Variants in PEX1 observed in about 807,000 individuals in gnomAD.
PEX1 encodes peroxisomal biogenesis factor 1, also known as peroxisomal ATPase PEX1.
A neutral mutation model predicts 152.5 loss-of-function variants in PEX1; 97 were observed. The ratio of observed to expected loss-of-function variants is 0.64; its 90% CI spans 0.54 to 0.75. The LOEUF (loss-of-function observed/expected upper bound fraction) is 0.75. Among genes scored for constraint, PEX1 ranks in the 30% least tolerant of loss-of-function variants. The probability of loss-of-function intolerance (pLI) is 0.00; values close to 1 mark genes in which losing one functional copy is unlikely to be tolerated. For missense variants in PEX1, 1,357 were observed against 1,516.3 expected (o/e 0.89, Z 1.74); for synonymous variants, 485 against 531.6 (o/e 0.91, Z 1.21).
chr7:92,527,949 A>C (rs1793368169), intron 1 of PEX1, among the ~76,000 whole-genome samples: 1 of 152,268 alleles, frequency 6.6e-6, no homozygotes, highest in Non-Finnish European at 1.5e-5. Context: ...GCAGCAGCGC[A>C]GGTTAACTGG....
chr7:92,489,585 C>G, intron 22 of PEX1, 129 bp downstream of exon 22: 1 of 1,017,642 alleles, frequency 9.8e-7, no homozygotes, highest in Non-Finnish European at 1.5e-6. Flanking sequence ...ATAACCATGA[C>G]TGAGTTAATG....
At chr7:92,504,618 C>T in intron 12 of PEX1, 114 bp downstream of exon 12, 1 of 1,110,602 alleles carries the variant, frequency 9.0e-7, no homozygotes, top group Non-Finnish European at 1.3e-6. Flanking sequence ...GCCTCAAACA[C>T]AACACTTAAC....
chr7:92,523,095 T>C (rs909432694), intron 1 of PEX1, among the ~76,000 whole-genome samples: 2 of 152,216 alleles, frequency 1.3e-5, no homozygotes, highest in African/African-American at 4.8e-5. Context: ...GGGTTTTCTA[T>C]GATTAAACAA....
intron 5 of PEX1, among the ~76,000 whole-genome samples, chr7:92,516,402 G>A (rs1389147378): frequency 6.6e-6 from 1 of 151,810 alleles, no homozygotes; most frequent in East Asian, 1.9e-4. Flanking sequence ...CTCCAGCTTG[G>A]GCAAGAAGAG....
At chr7:92,528,202 T>C in intron 1 of PEX1, 105 bp downstream of exon 1, 1 of 1,475,954 alleles carries the variant, frequency 6.8e-7, no homozygotes. Flanking sequence ...TCTGCGCGCT[T>C]CGGCGGCGCC....
chr7:92,516,069 A>AAG (rs1554374911), intron 5 of PEX1, among the ~76,000 whole-genome samples: 3 of 134,106 alleles, frequency 2.2e-5, no homozygotes, highest in Non-Finnish European at 3.3e-5. Context: ...AGAAAAGAAA[A>AAG]GAAAAGAAAA....
chr7:92,512,678 T>C (rs1427027469), intron 6 of PEX1, among the ~76,000 whole-genome samples: 4 of 151,984 alleles, frequency 2.6e-5, no homozygotes, highest in Non-Finnish European at 5.9e-5. Flanking sequence ...TTAGTAGAGA[T>C]GGGGTTTCAC....
chr7:92,506,184 A>G, intron 11 of PEX1, 64 bp downstream of exon 11: 1 of 859,520 alleles, frequency 1.2e-6, no homozygotes, highest in South Asian at 1.3e-5. Context: ...TGACAGCATT[A>G]TGTATAACAT....
chr7:92,524,646 T>C (rs1329415116), intron 1 of PEX1, among the ~76,000 whole-genome samples: 1 of 152,222 alleles, frequency 6.6e-6, no homozygotes, highest in Non-Finnish European at 1.5e-5. Context: ...AAATTAACCA[T>C]GTTATTACAA....
At position 92,491,341 on chromosome 7, in the gene PEX1, G is replaced by A. The variant is rs773621481; in HGVS notation, c.3369C>T (p.Phe1123=). 3.1e-6 allele frequency: 5 copies of A among 1,613,842 alleles called. No individual in the cohort carries two copies. The highest frequency in any genetic ancestry group is 4.2e-6 in the Non-Finnish European group (5 of 1,179,910). The change falls in exon 21 of 24, where the codon TTC becomes TTT. Residue 1123 remains phenylalanine (F), a synonymous_variant. Transcript: ENST00000248633. ...TTCCAAAGTAGAGCCGGTACATATT[G>A]AATTTTGATTCATCTGGAAGGATCT... ...MSEILPDESK[F]NMYRLYFGSS...
intron 7 of PEX1, among the ~76,000 whole-genome samples, 180 bp downstream of exon 7, chr7:92,511,400 C>T (rs1438587769): frequency 6.6e-6 from 1 of 152,224 alleles, no homozygotes; most frequent in Non-Finnish European, 1.5e-5. Context: ...GCTGGGATTA[C>T]AGGCATGAGC....
At chr7:92,491,694 T>C (rs1585215127) in intron 20 of PEX1, 192 bp from the exon 21 acceptor site, 1 of 550,396 alleles carries the variant, frequency 1.8e-6, no homozygotes, top group East Asian at 3.1e-5. Context: ...AAAGACAAGA[T>C]AGAATGTGTA....
intron 16 of PEX1, among the ~76,000 whole-genome samples, chr7:92,497,783 G>A (rs1487053715): frequency 1.3e-5 from 2 of 152,054 alleles, no homozygotes; most frequent in African/African-American, 4.8e-5. Flanking sequence ...AAATAACTAA[G>A]GCAAGACCGG....
chr7:92,507,106 A>C lies in PEX1; in HGVS notation c.1691T>G (p.Val564Gly). ...SSLGGVNSLG[V>G]SSLEHITHSL... ...GTGAGTGATGTGCTCCAAGGAGGAT[A>C]CGCCTAAGGAATTCACTCCTCTGTA... Residue 564 changes from valine (V) to glycine (G), a missense_variant, in exon 10 of 24, where the codon GTA becomes GGA. By Grantham distance (109) the Val-to-Gly change is moderately radical (BLOSUM62 -3). Coordinates refer to ENST00000248633, the MANE Select transcript of PEX1 (RefSeq NM_000466.3). 1 of 1,613,934 alleles carries C rather than the reference A, an allele frequency of 6.2e-7. No homozygotes were observed. The highest frequency in any genetic ancestry group is 8.5e-7 in the Non-Finnish European group (1 of 1,179,794).
intron 8 of PEX1, among the ~76,000 whole-genome samples, chr7:92,510,424 C>A (rs773306184): frequency 7.9e-5 from 12 of 151,748 alleles, no homozygotes; most frequent in Non-Finnish European, 1.5e-4. Flanking sequence ...CATGATCATG[C>A]CACTGCACTC....
intron 15 of PEX1, 75 bp from the exon 16 acceptor site, chr7:92,499,913 A>C: frequency 1.7e-6 from 2 of 1,204,026 alleles, no homozygotes; most frequent in Non-Finnish European, 2.4e-6. Context: ...GCTAAAGATC[A>C]ATGTATAGAA....
chr7:92,504,996 G>A (rs995488612), intron 11 of PEX1, 94 bp from the exon 12 acceptor site: 4 of 880,818 alleles, frequency 4.5e-6, no homozygotes, highest in Non-Finnish European at 7.6e-6. Context: ...GCTCGATATT[G>A]ATTTAACTAT....
rs201807430 is a variant in PEX1, at chr7:92,513,936, A to G, written c.1271T>C (p.Ile424Thr). ...IPDDLRKRLN[I>T]EMHAVVRITP... is the part of the protein sequence containing the mutation. ...TATCCTGACTACGGCATGCATTTCT[A>G]TATTTAGTCTCTTCCTCAGGTCATC... The change falls in exon 6 of 24, where the codon ATA (isoleucine) becomes ACA (threonine). Residue 424 changes from isoleucine to threonine, a missense_variant. By Grantham distance (89) the Ile-to-Thr change is moderately conservative. Coordinates refer to ENST00000248633, the MANE Select transcript of PEX1 (RefSeq NM_000466.3). 8.4e-5 allele frequency: 133 copies of G among 1,585,384 alleles called. No homozygotes were observed. The highest frequency in any genetic ancestry group is 1.1e-4 in the Non-Finnish European group (124 of 1,155,364).
Position 92,528,512 on chromosome 7 carries a change from G to C in PEX1, c.-77C>G, listed in dbSNP as rs1301449696. The C allele has an allele frequency of 1.1e-5, 16 of 1,472,286 alleles. No homozygotes were observed. In the East Asian group the frequency reaches 1.8e-4, roughly 16 times the overall value. 91.2% of individuals were successfully genotyped at this position (1,472,286 alleles called of 1,614,324 possible). ...GGGACCCGGCAGGCCGAGGACGTCG[G>C]AGCCGGAGGAGATCGATCGGCCCCG... On this transcript the variant is annotated 5_prime_UTR_variant, in exon 1 of 24. Transcript: ENST00000248633.
Sources: gnomAD v4.1 joint callset for allele counts (sites outside exome capture counted in the v4.1 genomes callset) on GRCh38, gnomAD v4.1.1 for gene constraint, MANE v1.5 for transcripts, NCBI Gene and HGNC (gene_info 2026-07-23, HGNC 2026-07-21) for gene names.